PLEKHG1: variants seen among roughly 807,000 people sequenced by gnomAD.
The protein encoded by PLEKHG1 is pleckstrin homology and RhoGEF domain containing G1, also known as pleckstrin homology domain-containing family G member 1.
PLEKHG1 carries 44 observed loss-of-function variants against 100.8 expected under a neutral mutation model. The observed-to-expected ratio is 0.44, with a 90% CI of 0.34 to 0.56. The LOEUF (loss-of-function observed/expected upper bound fraction) is 0.56. Among genes scored for constraint, PLEKHG1 ranks in the 20% least tolerant of loss-of-function variants. PLEKHG1 has a pLI of 0.01. For synonymous variants in PLEKHG1, 640 were observed against 662.5 expected (o/e 0.97, Z 0.52); for missense variants, 1,545 against 1,720.9 (o/e 0.90, Z 1.81).
At chr6:150,800,254 T>C (rs923206380) in intron 5 of PLEKHG1, among the ~76,000 whole-genome samples, 5 of 152,142 alleles carry the variant, frequency 3.3e-5, no homozygotes, top group African/African-American at 1.2e-4. Context: ...GGTGATTAAA[T>C]GCTCTGACGG....
intron 2 of PLEKHG1, among the ~76,000 whole-genome samples, chr6:150,744,991 C>T (rs1451368917): frequency 1.3e-5 from 2 of 152,132 alleles, no homozygotes. Context: ...AGGGAAAGAG[C>T]TATGTGAGTT....
chr6:150,682,615 G>A (rs1295588328), intron 3 of PLEKHG1, among the ~76,000 whole-genome samples: 6 of 152,114 alleles, frequency 3.9e-5, no homozygotes, highest in Non-Finnish European at 7.3e-5. Context: ...GTCTGGGTGT[G>A]CAGCCATCCT....
intron 3 of PLEKHG1, among the ~76,000 whole-genome samples, chr6:150,674,119 C>A (rs1027173235): frequency 6.6e-6 from 1 of 152,004 alleles, no homozygotes; most frequent in Admixed American, 6.6e-5. Context: ...TTTATTAATC[C>A]CAGCTCCTCC....
In PLEKHG1 at chr6:150,786,468, G is replaced by A. The variant is rs1785628622; in HGVS notation, c.582+9G>A. On this transcript the variant is annotated intron_variant, in intron 4 of 15. Transcript: ENST00000358517. ...AGTGTTTTGTGTCCAAGGTAAGCAGGGTTCATCCTTCTGGGCCAACTGAGA... is the reference window on the plus strand; with the variant it reads ...AGTGTTTTGTGTCCAAGGTAAGCAGAGTTCATCCTTCTGGGCCAACTGAGA... 2 of 1,593,710 alleles carry A rather than the reference G, an allele frequency of 1.3e-6. No individual in the cohort carries two copies. Among genetic ancestry groups the A allele is most frequent in the South Asian group, 1.1e-5 (1 of 90,374 alleles).
chr6:150,631,870 G>A (rs1448087206), intron 1 of PLEKHG1, among the ~76,000 whole-genome samples: 1 of 152,152 alleles, frequency 6.6e-6, no homozygotes, highest in East Asian at 1.9e-4. Flanking sequence ...ACTGGGCATG[G>A]GGAACTGGGC....
At chr6:150,714,646 A>G (rs1421058712) in intron 3 of PLEKHG1, among the ~76,000 whole-genome samples, 1 of 152,206 alleles carries the variant, frequency 6.6e-6, no homozygotes, top group Non-Finnish European at 1.5e-5. Flanking sequence ...CTGAGAAACT[A>G]CATTTTCAGT....
intron 2 of PLEKHG1, among the ~76,000 whole-genome samples, chr6:150,639,383 ACATTTAT>A (rs1207864091): frequency 6.6e-6 from 1 of 152,184 alleles, no homozygotes; most frequent in African/African-American, 2.4e-5. Context: ...ATCATCTGCA[ACATTTAT>A]CATTTTTTTG....
At chr6:150,729,003 G>GGT (rs1782102827) in intron 1 of PLEKHG1, among the ~76,000 whole-genome samples, 1 of 152,142 alleles carries the variant, frequency 6.6e-6, no homozygotes, top group Admixed American at 6.5e-5. Flanking sequence ...TTATTAATGA[G>GGT]GTATTTTATT....
At chr6:150,647,044 T>C (rs1778531196) in intron 2 of PLEKHG1, among the ~76,000 whole-genome samples, 1 of 152,226 alleles carries the variant, frequency 6.6e-6, no homozygotes, top group African/African-American at 2.4e-5. Context: ...CAACATATTT[T>C]GTGCTTACGA....
At chr6:150,763,410 A>T (rs1784285546) in intron 2 of PLEKHG1, among the ~76,000 whole-genome samples, 1 of 152,038 alleles carries the variant, frequency 6.6e-6, no homozygotes, top group Non-Finnish European at 1.5e-5. Flanking sequence ...AATCAAACCC[A>T]TGTTTTTTCT....
rs75847574 is a variant in PLEKHG1, at chr6:150,741,594, C to T, written c.411+7502C>T. On this transcript the variant is annotated intron_variant, in intron 2 of 15. Coordinates refer to ENST00000358517, the Ensembl canonical transcript of PLEKHG1. ...CACTTAATTTGCTCACTCACTGTCC[C>T]ATCATGTGGGTACTAGTTTAATTCC... Among the ~76,000 whole-genome samples, 1,405 of 152,282 alleles carry T rather than the reference C, an allele frequency of 9.2e-3. 25 individuals carry two copies. The highest frequency in any genetic ancestry group is 0.032 in the African/African-American group (1,346 of 41,548).
chr6:150,811,917 T>C (rs1257701010), intron 10 of PLEKHG1, among the ~76,000 whole-genome samples: 1 of 152,036 alleles, frequency 6.6e-6, no homozygotes, highest in Non-Finnish European at 1.5e-5. Context: ...AGGAGTGAGG[T>C]TGGAGGCTGG....
Position 150,803,170 on chromosome 6 carries a change from A to G in PLEKHG1, c.781-1440A>G, listed in dbSNP as rs775881760. Among the ~76,000 whole-genome samples the G allele has an allele frequency of 3.3e-5, 5 of 152,342 alleles. No individual in the cohort carries two copies. The South Asian group carries it at 1.0e-3, about 32-fold the overall frequency. On this transcript the variant is annotated intron_variant, in intron 6 of 15. Transcript: ENST00000358517. Reference sequence around the variant, plus strand: ...AAATTCTTTTACAGTTTCTAGCTAGATGAAAAACTTGAGTACTCAGTAAAA... The same window carrying G: ...AAATTCTTTTACAGTTTCTAGCTAGGTGAAAAACTTGAGTACTCAGTAAAA...
At chr6:150,672,996 A>G (rs901412646) in intron 3 of PLEKHG1, among the ~76,000 whole-genome samples, 1 of 152,214 alleles carries the variant, frequency 6.6e-6, no homozygotes, top group African/African-American at 2.4e-5. Flanking sequence ...TTTGGCAGTC[A>G]TGGTTGGTTG....
intron 3 of PLEKHG1, among the ~76,000 whole-genome samples, chr6:150,672,759 T>C (rs1779622028): frequency 6.6e-6 from 1 of 152,242 alleles, no homozygotes; most frequent in Admixed American, 6.5e-5. Flanking sequence ...AAGTGTACCA[T>C]TTATAGATAA....
chr6:150,775,466 T>A (rs1395765640), intron 3 of PLEKHG1, among the ~76,000 whole-genome samples: 1 of 152,216 alleles, frequency 6.6e-6, no homozygotes, highest in Non-Finnish European at 1.5e-5. Context: ...TCAACTCTTT[T>A]CTTTATTCAG....
chr6:150,620,145 AT>A (rs1417417932), intron 1 of PLEKHG1, among the ~76,000 whole-genome samples: 2 of 151,904 alleles, frequency 1.3e-5, no homozygotes, highest in African/African-American at 2.4e-5. Context: ...TCTTGTGTAT[AT>A]TTTTTATAAC....
chr6:150,758,040 ATGGTG>A (rs1366046750), intron 2 of PLEKHG1, among the ~76,000 whole-genome samples: 2 of 152,180 alleles, frequency 1.3e-5, no homozygotes, highest in Non-Finnish European at 2.9e-5. Flanking sequence ...ATAGTGTTCC[ATGGTG>A]TATACGTACC....
chr6:150,800,564 C>A (rs1386397288), intron 5 of PLEKHG1, among the ~76,000 whole-genome samples, 155 bp from the exon 7 acceptor site: 2 of 152,202 alleles, frequency 1.3e-5, no homozygotes, highest in Non-Finnish European at 1.5e-5. Flanking sequence ...CCAGAGGGAA[C>A]CCTTTCTCCA....
Sources: gnomAD v4.1 joint callset for allele counts (sites outside exome capture counted in the v4.1 genomes callset) on GRCh38, gnomAD v4.1.1 for gene constraint, MANE v1.5 for transcripts, NCBI Gene and HGNC (gene_info 2026-07-23, HGNC 2026-07-21) for gene names.